Variants in STAG1 observed in about 807,000 individuals in gnomAD.
STAG1 encodes STAG1 cohesin complex component.
Under a neutral mutation model 170.9 loss-of-function variants are expected in STAG1, and 26 were observed. The ratio of observed to expected loss-of-function variants is 0.15; its 90% CI spans 0.11 to 0.21. The LOEUF (loss-of-function observed/expected upper bound fraction) is 0.21. Among genes scored for constraint, STAG1 ranks in the 10% least tolerant of loss-of-function variants. The probability of loss-of-function intolerance (pLI) is 1.00; values close to 1 mark genes in which losing one functional copy is unlikely to be tolerated. For missense variants in STAG1, 964 were observed against 1,509.5 expected, an observed-to-expected ratio of 0.64 and a Z score of 5.99; for synonymous variants, 514 against 497.7, an observed-to-expected ratio of 1.03 and a Z score of -0.44.
intron 22 of STAG1, among the ~76,000 whole-genome samples, chr3:136,380,632 G>C (rs1046975107): frequency 3.9e-5 from 6 of 152,112 alleles, no homozygotes; most frequent in Non-Finnish European, 8.8e-5. Context: ...ATAGAATTTA[G>C]GGAGCAATCG....
chr3:136,721,379 T>A (rs1332410949), intron 1 of STAG1: 3 of 152,224 alleles, frequency 2.0e-5, no homozygotes, highest in Non-Finnish European at 4.4e-5. Context: ...AAGCCCCTTA[T>A]CTTAGAATCT....
rs558982565 is a variant in STAG1, at chr3:136,723,365, G to A, written c.-84+28830C>T. Among the ~76,000 whole-genome samples the A allele has an allele frequency of 2.9e-4, 44 of 151,044 alleles. No homozygotes were observed. In the East Asian group the frequency reaches 7.9e-3, roughly 27 times the overall value. ...CGCCGCCCCGTCTGGGATGTGAGGA[G>A]CACCTCTACCCGGCCGCGACCCCGT... On this transcript the variant is annotated intron_variant, in intron 1 of 33. Transcript: ENST00000383202.
intron 1 of STAG1, among the ~76,000 whole-genome samples, chr3:136,642,510 C>T (rs1430240712): frequency 6.6e-6 from 1 of 151,972 alleles, no homozygotes; most frequent in African/African-American, 2.4e-5. Context: ...AAGTGATCCA[C>T]CCGCCTCGGC....
At chr3:136,661,355 G>C (rs1040170558) in intron 1 of STAG1, among the ~76,000 whole-genome samples, 3 of 151,958 alleles carry the variant, frequency 2.0e-5, no homozygotes, top group Admixed American at 6.6e-5. Context: ...AAAATTCAAA[G>C]TGCTTCAAAA....
intron 1 of STAG1, among the ~76,000 whole-genome samples, chr3:136,695,336 T>C (rs569053236): frequency 5.7e-4 from 86 of 151,056 alleles, no homozygotes; most frequent in African/African-American, 1.9e-3. Flanking sequence ...ACTCAGGAGG[T>C]TGAGGCAGAA....
At position 136,442,956 on chromosome 3, in the gene STAG1, T is replaced by C. The variant is rs1284076061; in HGVS notation, c.1546+331A>G. Reference sequence around the variant, plus strand: ...CCCAGTAGTTCAAGGCTGCAGTGAGTTATGACTGGGCCGCTGCACTCCAGC... The same window carrying C: ...CCCAGTAGTTCAAGGCTGCAGTGAGCTATGACTGGGCCGCTGCACTCCAGC... On this transcript the variant is annotated intron_variant, in intron 15 of 33. Coordinates refer to ENST00000383202, the MANE Select transcript of STAG1 (RefSeq NM_005862.3). Among the ~76,000 whole-genome samples the C allele has an allele frequency of 3.3e-5, 5 of 152,168 alleles. No homozygotes were observed. In the South Asian group the frequency reaches 1.0e-3, roughly 32 times the overall value.
In STAG1 at chr3:136,637,134, A is replaced by G. The variant is rs1202066772; in HGVS notation, c.-83-6153T>C. ...AAAATGATATTTGACAGCCTACTGT[A>G]TACTTAAATTCTCTGTAGCATAAAG... On this transcript the variant is annotated intron_variant, in intron 1 of 33. Coordinates refer to ENST00000383202, the MANE Select transcript of STAG1 (RefSeq NM_005862.3). Among the ~76,000 whole-genome samples the G allele has an allele frequency of 2.0e-5, 3 of 152,242 alleles. 1 individual carries two copies. Among genetic ancestry groups the G allele is most frequent in the Admixed American group, 2.0e-4 (3 of 15,282 alleles).
chr3:136,414,733 G>A (rs2087725067), intron 21 of STAG1, among the ~76,000 whole-genome samples: 1 of 152,104 alleles, frequency 6.6e-6, no homozygotes, highest in Non-Finnish European at 1.5e-5. Context: ...CAGCCACAAG[G>A]CTTATGCAAT....
chr3:136,565,011 AAGGC>A (rs1553746573), intron 5 of STAG1, among the ~76,000 whole-genome samples: 102 of 45,426 alleles, frequency 2.2e-3, no homozygotes, highest in Middle Eastern at 9.6e-3. Context: ...GGAAGGAAGG[AAGGC>A]AGGCAGGCAG....
intron 5 of STAG1, 41 bp downstream of exon 5, chr3:136,568,724 T>G: frequency 6.9e-7 from 1 of 1,441,424 alleles, no homozygotes. Flanking sequence ...ACTGCTGGAC[T>G]GACAGGCTCA....
At chr3:136,384,923 T>A (rs749218465) in intron 22 of STAG1, among the ~76,000 whole-genome samples, 1 of 152,152 alleles carries the variant, frequency 6.6e-6, no homozygotes. Context: ...TTTAAGAAAC[T>A]AGAATACATT....
At chr3:136,466,590 T>G (rs1274756198) in intron 12 of STAG1, among the ~76,000 whole-genome samples, 1 of 152,120 alleles carries the variant, frequency 6.6e-6, no homozygotes, top group Non-Finnish European at 1.5e-5. Context: ...CAGGATATTA[T>G]CCAGGAGAAC....
chr3:136,339,326 C>T (rs1485635086), intron 32 of STAG1, among the ~76,000 whole-genome samples: 1 of 152,124 alleles, frequency 6.6e-6, no homozygotes, highest in African/African-American at 2.4e-5. Context: ...AGATCAAGAC[C>T]ATCCTGGCCA....
intron 5 of STAG1, among the ~76,000 whole-genome samples, chr3:136,552,046 C>G (rs1302499143): frequency 6.6e-6 from 1 of 152,078 alleles, no homozygotes; most frequent in Admixed American, 6.5e-5. Flanking sequence ...TAAGTGTAAA[C>G]CCATCAGGAT....
At chr3:136,620,277 T>G (rs1255659443) in intron 3 of STAG1, among the ~76,000 whole-genome samples, 1 of 152,150 alleles carries the variant, frequency 6.6e-6, no homozygotes, top group Non-Finnish European at 1.5e-5. Context: ...AAACAAAGAA[T>G]GCTATCAGTT....
chr3:136,685,145 T>C (rs1355976416), intron 1 of STAG1, among the ~76,000 whole-genome samples: 5 of 152,050 alleles, frequency 3.3e-5, no homozygotes, highest in Non-Finnish European at 1.5e-5. Context: ...TGAAACCCCA[T>C]CTCTACTAAA....
chr3:136,459,331 T>C (rs2089211174), intron 13 of STAG1, among the ~76,000 whole-genome samples: 1 of 152,122 alleles, frequency 6.6e-6, no homozygotes, highest in Non-Finnish European at 1.5e-5. Context: ...TAAATATCTC[T>C]ACACTCAATA....
chr3:136,715,003 A>AT (rs1553770614), intron 1 of STAG1, among the ~76,000 whole-genome samples: 7 of 111,814 alleles, frequency 6.3e-5, no homozygotes, highest in South Asian at 2.6e-4. Flanking sequence ...TTATATATAT[A>AT]ATATATATAT....
intron 1 of STAG1, among the ~76,000 whole-genome samples, chr3:136,734,635 A>G (rs1410723291): frequency 6.6e-6 from 1 of 152,030 alleles, no homozygotes; most frequent in African/African-American, 2.4e-5. Context: ...TTACTTTTGT[A>G]TTTTTTATGC....
Sources: gnomAD v4.1 joint callset for allele counts (sites outside exome capture counted in the v4.1 genomes callset) on GRCh38, gnomAD v4.1.1 for gene constraint, MANE v1.5 for transcripts, NCBI Gene and HGNC (gene_info 2026-07-23, HGNC 2026-07-21) for gene names.